The following RYR3 variants were observed in gnomAD, a reference collection of about 807,000 sequenced individuals.
The protein encoded by RYR3 is brain ryanodine receptor-calcium release channel.
Under a neutral mutation model 584.3 loss-of-function variants are expected in RYR3, and 207 were observed. That is an observed-to-expected ratio of 0.35 (90% CI 0.32 to 0.40). RYR3 has a LOEUF of 0.40. Among genes scored for constraint, RYR3 ranks in the 10% least tolerant of loss-of-function variants. The probability of loss-of-function intolerance (pLI) is 1.00; values close to 1 mark genes in which losing one functional copy is unlikely to be tolerated. For missense variants in RYR3, 5,616 were observed against 6,089.2 expected (o/e 0.92, Z 2.59); for synonymous variants, 2,416 against 2,248.5 (o/e 1.07, Z -2.11).
intron 9 of RYR3, among the ~76,000 whole-genome samples, chr15:33,549,495 A>T (rs1487357669): frequency 1.3e-5 from 2 of 152,212 alleles, no homozygotes; most frequent in Non-Finnish European, 2.9e-5. Flanking sequence ...GAGTTAGATT[A>T]TTCAGTGGAT....
At chr15:33,366,414 A>G (rs376633030) in intron 1 of RYR3, among the ~76,000 whole-genome samples, 47 of 152,286 alleles carry the variant, frequency 3.1e-4, no homozygotes, top group African/African-American at 7.0e-4. Context: ...ATGGCATAAT[A>G]AAAAAAGATC....
intron 19 of RYR3, among the ~76,000 whole-genome samples, chr15:33,614,725 G>C (rs118102721): frequency 6.6e-6 from 1 of 152,030 alleles, no homozygotes; most frequent in East Asian, 1.9e-4. Context: ...TATTAAGGAT[G>C]TTAAACTGTT....
intron 90 of RYR3, 75 bp downstream of exon 90, chr15:33,840,958 CT>C: frequency 7.4e-7 from 1 of 1,354,626 alleles, no homozygotes. Context: ...TGGCTCGCAC[CT>C]GTAATCCCAG....
intron 27 of RYR3, 29 bp downstream of exon 27, chr15:33,636,579 G>A (rs762992312): frequency 6.5e-7 from 1 of 1,540,958 alleles, no homozygotes; most frequent in South Asian, 1.3e-5. Flanking sequence ...GCCAACCCCA[G>A]CTCCATGAGG....
chr15:33,638,464 G>A (rs1299125621), intron 27 of RYR3, among the ~76,000 whole-genome samples: 1 of 152,220 alleles, frequency 6.6e-6, no homozygotes, highest in African/African-American at 2.4e-5. Flanking sequence ...GAGGTTACTT[G>A]TCTGTTGAAC....
intron 16 of RYR3, among the ~76,000 whole-genome samples, chr15:33,592,979 T>C (rs1345029297): frequency 6.6e-6 from 1 of 152,178 alleles, no homozygotes; most frequent in Non-Finnish European, 1.5e-5. Context: ...AGAAGTACAA[T>C]GGTTCAGTCT....
At chr15:33,826,824 C>T in intron 84 of RYR3, 72 bp downstream of exon 84, 1 of 1,032,626 alleles carries the variant, frequency 9.7e-7, no homozygotes, top group African/African-American at 1.6e-5. Context: ...TCAGTATGCC[C>T]CATTTGATGC....
intron 10 of RYR3, among the ~76,000 whole-genome samples, chr15:33,562,327 A>G (rs113172414): frequency 1.3e-5 from 2 of 152,294 alleles, no homozygotes; most frequent in East Asian, 3.9e-4. Flanking sequence ...CACGGTATTA[A>G]CCCCTGCGTA....
At chr15:33,511,098 G>A (rs928218312) in intron 3 of RYR3, among the ~76,000 whole-genome samples, 1 of 151,984 alleles carries the variant, frequency 6.6e-6, no homozygotes, top group African/African-American at 2.4e-5. Context: ...ATTGCCTGAT[G>A]TAGGTATTGA....
intron 3 of RYR3, among the ~76,000 whole-genome samples, chr15:33,507,325 G>T (rs2052567191): frequency 6.6e-6 from 1 of 152,192 alleles, no homozygotes; most frequent in South Asian, 2.1e-4. Flanking sequence ...GTAGCACATG[G>T]AAGCCAGCTT....
intron 1 of RYR3, among the ~76,000 whole-genome samples, chr15:33,449,635 A>C (rs980120362): frequency 1.3e-5 from 2 of 152,256 alleles, no homozygotes; most frequent in African/African-American, 4.8e-5. Context: ...GTGTTGTCCC[A>C]TGCTGAATAT....
chr15:33,831,628 T>C (rs2077681240), intron 86 of RYR3, among the ~76,000 whole-genome samples: 1 of 152,238 alleles, frequency 6.6e-6, no homozygotes, highest in Admixed American at 6.5e-5. Flanking sequence ...GTGTATTTCA[T>C]GTTAACTGTC....
intron 1 of RYR3, among the ~76,000 whole-genome samples, chr15:33,361,103 G>C (rs1412693940): frequency 1.3e-5 from 2 of 152,186 alleles, no homozygotes; most frequent in Non-Finnish European, 2.9e-5. Flanking sequence ...TACAGCTGGG[G>C]CCCACATTTC....
rs541100399 is a variant in RYR3 at position 33,332,955 on chromosome 15, A to C, written c.51+21859A>C. ...TAGCACGAAATCAATCATATCCAAT[A>C]AATATGAAAGTAAATGGGTCTGTCT... On this transcript the variant is annotated intron_variant, in intron 1 of 103. Coordinates refer to ENST00000634891, the MANE Select transcript of RYR3 (RefSeq NM_001036.6). 3.3e-5 allele frequency among the ~76,000 whole-genome samples: 5 copies of C among 152,048 alleles called. No homozygotes were observed. In the South Asian group the frequency reaches 6.2e-4, roughly 19 times the overall value.
chr15:33,617,533 A>G (rs571360313), intron 19 of RYR3, among the ~76,000 whole-genome samples: 63 of 152,328 alleles, frequency 4.1e-4, no homozygotes, highest in Middle Eastern at 3.4e-3. Flanking sequence ...ATACCTGTCT[A>G]GAAAGAGATT....
chr15:33,361,814 C>G (rs1010477499), intron 1 of RYR3, among the ~76,000 whole-genome samples: 9 of 152,184 alleles, frequency 5.9e-5, no homozygotes, highest in Admixed American at 3.9e-4. Flanking sequence ...AACCTACTCC[C>G]AGTGACTTGA....
At position 33,403,319 on chromosome 15, in the gene RYR3, T is replaced by C. The variant is rs909392942; in HGVS notation, c.52-70100T>C. ...ACCTTTAGTGAAATTAACAAAATAA[T>C]TGGGCTTTGTGAAGCGGAGCAAATC... is the stretch of plus-strand genomic sequence containing the variant. On this transcript the variant is annotated intron_variant, in intron 1 of 103. Coordinates refer to ENST00000634891, the MANE Select transcript of RYR3 (RefSeq NM_001036.6). Among the ~76,000 whole-genome samples the C allele has an allele frequency of 2.6e-5, 4 of 152,356 alleles. 1 individual carries two copies.
chr15:33,638,466 C>T (rs2061621694), intron 27 of RYR3, among the ~76,000 whole-genome samples: 1 of 152,218 alleles, frequency 6.6e-6, no homozygotes, highest in Non-Finnish European at 1.5e-5. Context: ...GGTTACTTGT[C>T]TGTTGAACTC....
chr15:33,816,863 C>A lies in RYR3; in HGVS notation c.10504C>A (p.His3502Asn). ...RMAPLYNLPR[H>N]RSINLFLHGY... ...CTCCCTCTCACCCCTTCCGCTCAGG[C>A]ACCGCTCTATTAACCTCTTCCTCCA... The change falls in exon 75 of 104, where the codon CAC (histidine) becomes AAC (asparagine). Residue 3502 changes from histidine (H) to asparagine (N), a missense_variant and splice_region_variant. By Grantham distance (68) the His-to-Asn change is moderately conservative. Coordinates refer to ENST00000634891, the MANE Select transcript of RYR3 (RefSeq NM_001036.6). The A allele has an allele frequency of 6.2e-7, 1 of 1,609,490 alleles. No individual in the cohort carries two copies. Among genetic ancestry groups the A allele is most frequent in the Non-Finnish European group, 8.5e-7 (1 of 1,176,738 alleles).
Sources: allele counts gnomAD v4.1 joint callset (sites outside exome capture counted in the v4.1 genomes callset), GRCh38; gene constraint gnomAD v4.1.1; transcripts MANE v1.5; gene names NCBI Gene and HGNC (gene_info 2026-07-23, HGNC 2026-07-21).